Variants in ACSF3 observed in about 807,000 individuals in gnomAD.
The protein encoded by ACSF3 is malonate--CoA ligase ACSF3, mitochondrial.
A neutral mutation model predicts 53.2 loss-of-function variants in ACSF3; 78 were observed. The observed-to-expected ratio is 1.47, with a 90% CI of 1.22 to 1.77. The LOEUF is 1.77. ACSF3 is among the 40% of genes most tolerant of loss of function. The probability of loss-of-function intolerance (pLI) is 0.00; values close to 1 mark genes in which losing one functional copy is unlikely to be tolerated. For synonymous variants in ACSF3, 414 were observed against 333.1 expected (o/e 1.24, Z -2.65); for missense variants, 937 against 771.1 (o/e 1.22, Z -2.55).
At position 89,154,839 on chromosome 16, in the gene ACSF3, CAG is replaced by C. The variant is rs1245237245; in HGVS notation, c.*634_*635del. ...ACTGTGTGTCCATCAGCATGTGTCACAGAAAGTGCGTGGACGGATGGCCCCGG... is the reference window on the plus strand; with the variant it reads ...ACTGTGTGTCCATCAGCATGTGTCACAAAGTGCGTGGACGGATGGCCCCGG... On this transcript the variant is annotated 3_prime_UTR_variant, in exon 11 of 11. Coordinates refer to ENST00000614302, the MANE Select transcript of ACSF3 (RefSeq NM_001243279.3). 2.2e-5 allele frequency: 10 copies of C among 454,136 alleles called. No homozygotes were observed. The highest frequency in any genetic ancestry group is 1.0e-4 in the African/African-American group (5 of 50,120). The allele number at this position is 454,136 out of a possible 1,614,324, so 28.1% of individuals were successfully genotyped here.
chr16:89,153,896 G>A, intron 10 of ACSF3, 194 bp from the exon 11 acceptor site: 2 of 622,408 alleles, frequency 3.2e-6, no homozygotes, highest in South Asian at 1.8e-5. Context: ...GGCACCTCCT[G>A]CAGTCACCAC....
intron 6 of ACSF3, among the ~76,000 whole-genome samples, chr16:89,120,387 C>T (rs2151477565): frequency 6.6e-6 from 1 of 152,366 alleles, no homozygotes; most frequent in Admixed American, 6.5e-5. Flanking sequence ...AGCCCCGGGG[C>T]CATCAGGGCA....
At chr16:89,125,035 C>T (rs983067674) in intron 7 of ACSF3, among the ~76,000 whole-genome samples, 1 of 152,140 alleles carries the variant, frequency 6.6e-6, no homozygotes, top group Non-Finnish European at 1.5e-5. Flanking sequence ...TTTTGGTGCA[C>T]ATATTAATTT....
In ACSF3 at chr16:89,112,431, T is replaced by C. The variant is rs4782329; in HGVS notation, c.977+185T>C. Among the ~76,000 whole-genome samples the C allele has an allele frequency of 0.75, 114,513 of 151,846 alleles. 43,674 individuals are homozygous for C. Among genetic ancestry groups the C allele is most frequent in the Middle Eastern group, 0.81 (238 of 294 alleles). ...AACTGTCTCTCTCTCTCTCTACCCG[T>C]CTGTATGTATATCTGTAATCTCTTC... is the stretch of plus-strand genomic sequence containing the variant. On this transcript the variant is annotated intron_variant, in intron 5 of 10. Transcript: ENST00000614302.
intron 7 of ACSF3, among the ~76,000 whole-genome samples, chr16:89,131,995 A>G (rs1909423361): frequency 6.6e-6 from 1 of 151,386 alleles, no homozygotes; most frequent in Non-Finnish European, 1.5e-5. Context: ...CATGTGGGGC[A>G]GGTGTTTCAC....
intron 6 of ACSF3, among the ~76,000 whole-genome samples, chr16:89,117,644 C>T (rs942261933): frequency 4.0e-5 from 6 of 151,192 alleles, no homozygotes; most frequent in African/African-American, 9.7e-5. Flanking sequence ...ACACCAAGAG[C>T]GCCAAGGAGC....
chr16:89,106,851 C>T (rs936438074), intron 4 of ACSF3, among the ~76,000 whole-genome samples: 11 of 152,286 alleles, frequency 7.2e-5, no homozygotes, highest in South Asian at 2.1e-4. Flanking sequence ...CACAGAGGGC[C>T]GTGGGTGTCA....
intron 4 of ACSF3, among the ~76,000 whole-genome samples, chr16:89,108,466 G>A (rs745401182): frequency 2.0e-5 from 3 of 151,996 alleles, no homozygotes; most frequent in Admixed American, 6.6e-5. Flanking sequence ...CAGCTCTATC[G>A]AGATACAGTT....
intron 7 of ACSF3, among the ~76,000 whole-genome samples, chr16:89,127,466 G>A (rs189060586): frequency 6.6e-6 from 1 of 152,248 alleles, no homozygotes; most frequent in African/African-American, 2.4e-5. Flanking sequence ...CTGGGCTCAA[G>A]TGATCCTGCG....
At chr16:89,146,988 A>G (rs1913082881) in intron 10 of ACSF3, among the ~76,000 whole-genome samples, 1 of 151,934 alleles carries the variant, frequency 6.6e-6, no homozygotes, top group South Asian at 2.1e-4. Context: ...TTGTTTTTTT[A>G]ATTTATAAAG....
chr16:89,116,129 C>T lies in ACSF3; in HGVS notation c.1126+1642C>T, dbSNP rs1470005182. 3.9e-5 allele frequency among the ~76,000 whole-genome samples: 6 copies of T among 152,190 alleles called. 1 individual carries two copies. The highest frequency in any genetic ancestry group is 4.1e-4 in the South Asian group (2 of 4,830). On this transcript the variant is annotated intron_variant, in intron 6 of 10. Transcript: ENST00000614302. ...TTTGAGTTAATGTTTGTACATAGTG[C>T]GAGATACGGACCACAGTTCTTTTTT...
chr16:89,128,103 C>T (rs1482520465), intron 7 of ACSF3, among the ~76,000 whole-genome samples: 3 of 151,622 alleles, frequency 2.0e-5, no homozygotes, highest in Admixed American at 6.6e-5. Flanking sequence ...TTGCTTCTGG[C>T]TTTTCTCTTT....
chr16:89,136,451 TGA>T (rs1232691406), intron 8 of ACSF3: 2 of 1,149,892 alleles, frequency 1.7e-6, no homozygotes, highest in African/African-American at 1.6e-5. Context: ...TGCTGCATAA[TGA>T]GAGCCTGCAA....
At chr16:89,101,407 C>T (rs943511560) in intron 3 of ACSF3, 60 bp downstream of exon 3, 90 of 1,547,954 alleles carry the variant, frequency 5.8e-5, no homozygotes, top group Middle Eastern at 2.1e-4. Context: ...GGGTGGGCTC[C>T]GGGCCAGAAG....
intron 1 of ACSF3, among the ~76,000 whole-genome samples, chr16:89,096,267 T>A (rs966073497): frequency 1.3e-5 from 2 of 152,084 alleles, no homozygotes; most frequent in African/African-American, 4.8e-5. Context: ...TGAACTGCAT[T>A]TGTCTGGTGG....
chr16:89,119,388 G>A (rs1028482741), intron 6 of ACSF3, among the ~76,000 whole-genome samples: 1 of 152,190 alleles, frequency 6.6e-6, no homozygotes, highest in Non-Finnish European at 1.5e-5. Flanking sequence ...CCACGGACGC[G>A]GACAGCAGAC....
chr16:89,133,025 C>T (rs1484398369), intron 7 of ACSF3, 111 bp from the exon 8 acceptor site: 13 of 1,499,674 alleles, frequency 8.7e-6, no homozygotes, highest in South Asian at 3.4e-5. Context: ...TCAGAAAGCA[C>T]GCGGCCCTGG....
chr16:89,150,633 G>C (rs538930698), intron 10 of ACSF3: 2 of 253,148 alleles, frequency 7.9e-6, no homozygotes, highest in Middle Eastern at 1.4e-3. Context: ...GGGAAGCTGC[G>C]TGCAGGGCAC....
chr16:89,134,208 CG>C (rs1909944948), intron 8 of ACSF3, among the ~76,000 whole-genome samples: 2 of 152,158 alleles, frequency 1.3e-5, no homozygotes, highest in South Asian at 4.1e-4. Flanking sequence ...TGGCAAGCGT[CG>C]TGTTCTCTGA....
Sources: allele counts gnomAD v4.1 joint callset (sites outside exome capture counted in the v4.1 genomes callset), GRCh38; gene constraint gnomAD v4.1.1; transcripts MANE v1.5; gene names NCBI Gene and HGNC (gene_info 2026-07-23, HGNC 2026-07-21).